The following GCSAML variants were observed in gnomAD, a reference collection of about 807,000 sequenced individuals.
GCSAML encodes germinal center-associated signaling and motility-like protein.
A neutral mutation model predicts 13.0 loss-of-function variants in GCSAML; 9 were observed. The ratio of observed to expected loss-of-function variants is 0.69; its 90% CI spans 0.42 to 1.21. The LOEUF (loss-of-function observed/expected upper bound fraction) is 1.21. Among genes scored for constraint, GCSAML ranks in the 50% most tolerant of loss-of-function variants. The pLI, the probability that GCSAML is intolerant of heterozygous loss-of-function variation, is 0.00. For missense variants in GCSAML, 143 were observed against 153.4 expected (o/e 0.93, Z 0.36); for synonymous variants, 37 against 52.9 (o/e 0.70, Z 1.31).
In GCSAML at chr1:247,543,576, A is replaced by C. The variant is rs554909291; in HGVS notation, c.-147-5469A>C. ...TGTATTATAGTAATTATCGTGGACA[A>C]AGCAGAAAGTCAAAAGAGCTGGTTC... On this transcript the variant is annotated intron_variant, in intron 2 of 5. Transcript: ENST00000366489. Among the ~76,000 whole-genome samples, 68 of 152,330 alleles carry C rather than the reference A, an allele frequency of 4.5e-4. 2 individuals carry two copies. In the South Asian group the frequency reaches 0.013, roughly 30 times the overall value.
At chr1:247,561,184 G>A (rs1476148310) in intron 2 of GCSAML, among the ~76,000 whole-genome samples, 1 of 151,980 alleles carries the variant, frequency 6.6e-6, no homozygotes, top group African/African-American at 2.4e-5. Context: ...AAACTTCTGG[G>A]CTCAAGTGAT....
chr1:247,572,265 TGGA>T (rs1464803313), intron 4 of GCSAML, among the ~76,000 whole-genome samples: 2 of 152,202 alleles, frequency 1.3e-5, no homozygotes, highest in Non-Finnish European at 2.9e-5. Context: ...TGTGATCTTT[TGGA>T]GGAGAAGAGG....
In GCSAML at chr1:247,574,156, G is replaced by A; in HGVS notation, c.182G>A (p.Gly61Asp). 1 of 1,613,966 alleles carries A rather than the reference G, an allele frequency of 6.2e-7. No homozygotes were observed. Among genetic ancestry groups the A allele is most frequent in the Non-Finnish European group, 8.5e-7 (1 of 1,179,962 alleles). Reference protein sequence around the residue: ...SSTSNQENENGSGSEEVCYTV... With the variant: ...SSTSNQENENDSGSEEVCYTV... ...TGTGCTTGGCAGGAAAACGAGAATG[G>A]CAGTGGTTCTGAAGAAGTGTGCTAC... Residue 61 changes from glycine (G) to aspartate (D), a missense_variant, in exon 5 of 5, where the codon GGC (glycine) becomes GAC (aspartate). Coordinates refer to ENST00000366488, the MANE Select transcript of GCSAML (RefSeq NM_145278.5).
At position 247,577,608 on chromosome 1, in the gene GCSAML, C is replaced by T. The variant is rs1190029423; in HGVS notation, c.*3226C>T. ...ATATACTATAATTTGTTAATCTAAT[C>T]ACTGATGGATATGTAGGATATTTAA... is the stretch of plus-strand genomic sequence containing the variant. On this transcript the variant is annotated 3_prime_UTR_variant, in exon 5 of 5. Transcript: ENST00000366488. 6.6e-6 allele frequency: 1 copy of T among 152,150 alleles called. No individual in the cohort carries two copies. The highest frequency in any genetic ancestry group is 2.4e-5 in the African/African-American group (1 of 41,438). 9.4% of individuals were successfully genotyped at this position (152,150 alleles called of 1,614,324 possible). A position where few individuals can be genotyped will look rare whatever the true frequency, so the allele number is the denominator to read the frequency against.
intron 1 of GCSAML, among the ~76,000 whole-genome samples, chr1:247,511,211 G>A (rs1357922125): frequency 6.6e-6 from 1 of 152,122 alleles, no homozygotes; most frequent in Non-Finnish European, 1.5e-5. Flanking sequence ...CCTATATTGG[G>A]TGCATATATA....
Position 247,543,829 on chromosome 1 carries a change from A to G in GCSAML, c.-147-5216A>G, listed in dbSNP as rs537904046. Reference sequence around the variant, plus strand: ...TTTAGAGACAGAGTCTCACTCTGTCACCCAGGCTGGAGTGCAGTGGCATGA... The same window carrying G: ...TTTAGAGACAGAGTCTCACTCTGTCGCCCAGGCTGGAGTGCAGTGGCATGA... On this transcript the variant is annotated intron_variant, in intron 2 of 5. Coordinates refer to the GCSAML transcript ENST00000366489. 2.2e-3 allele frequency among the ~76,000 whole-genome samples: 339 copies of G among 151,600 alleles called. 1 individual carries two copies. Among genetic ancestry groups the G allele is most frequent in the Non-Finnish European group, 4.3e-3 (290 of 67,572 alleles).
intron 2 of GCSAML, chr1:247,531,159 G>C: frequency 4.9e-6 from 1 of 203,944 alleles, no homozygotes; most frequent in Non-Finnish European, 1.0e-5. Context: ...GGAGGGCTCC[G>C]GGGGCTCTGG....
chr1:247,568,530 C>T (rs1178719648), intron 4 of GCSAML, among the ~76,000 whole-genome samples: 1 of 152,034 alleles, frequency 6.6e-6, no homozygotes, highest in African/African-American at 2.4e-5. Flanking sequence ...TTCCATTGGT[C>T]TATATATCTG....
intron 1 of GCSAML, among the ~76,000 whole-genome samples, chr1:247,521,386 CG>C (rs1666417807): frequency 2.6e-5 from 2 of 77,440 alleles, no homozygotes; most frequent in African/African-American, 7.5e-5. Flanking sequence ...TCCCTCTCCA[CG>C]GTCTCCCTCT....
chr1:247,547,390 T>G (rs1161072454), upstream of GCSAML, among the ~76,000 whole-genome samples: 1 of 152,184 alleles, frequency 6.6e-6, no homozygotes, highest in African/African-American at 2.4e-5. Context: ...GACCAATTTA[T>G]GCTAGGATGG....
chr1:247,536,816 A>G (rs949514553), intron 2 of GCSAML, among the ~76,000 whole-genome samples: 5 of 152,196 alleles, frequency 3.3e-5, no homozygotes, highest in African/African-American at 1.2e-4. Flanking sequence ...AGATAGTCTG[A>G]GACATTTGCT....
chr1:247,516,063 C>T (rs1359375592), intron 1 of GCSAML, among the ~76,000 whole-genome samples: 1 of 152,072 alleles, frequency 6.6e-6, no homozygotes, highest in African/African-American at 2.4e-5. Flanking sequence ...CAGAGGAAGG[C>T]AGGGTGGTAC....
upstream of GCSAML, among the ~76,000 whole-genome samples, chr1:247,545,809 C>T (rs115429648): frequency 0.013 from 2,018 of 152,238 alleles, 39 homozygotes; most frequent in African/African-American, 0.042. Flanking sequence ...ATTAAATATA[C>T]GGTTTGCAAA....
intron 2 of GCSAML, among the ~76,000 whole-genome samples, chr1:247,534,865 G>A (rs1474382463): frequency 6.6e-6 from 1 of 152,120 alleles, no homozygotes; most frequent in East Asian, 1.9e-4. Context: ...AAAACTCTAG[G>A]CATTTGTTAA....
upstream of GCSAML, among the ~76,000 whole-genome samples, chr1:247,546,389 C>T (rs185851412): frequency 1.6e-4 from 24 of 151,992 alleles, no homozygotes; most frequent in African/African-American, 3.9e-4. Context: ...AGACGAGTCT[C>T]GCTCTGTCAC....
chr1:247,514,050 G>A (rs1666132297), intron 1 of GCSAML, among the ~76,000 whole-genome samples: 1 of 151,828 alleles, frequency 6.6e-6, no homozygotes, highest in South Asian at 2.1e-4. Flanking sequence ...GTGTGATCTT[G>A]GCTCACTGCA....
At chr1:247,563,345 G>A (rs2103057098) in intron 2 of GCSAML, among the ~76,000 whole-genome samples, 1 of 152,198 alleles carries the variant, frequency 6.6e-6, no homozygotes, top group East Asian at 1.9e-4. Context: ...AATATATGTA[G>A]TCTGATAAGC....
chr1:247,559,376 TAGCAATTC>T (rs1668049574), intron 2 of GCSAML, among the ~76,000 whole-genome samples: 1 of 152,226 alleles, frequency 6.6e-6, no homozygotes, highest in African/African-American at 2.4e-5. Flanking sequence ...GTTTGGTGTG[TAGCAATTC>T]ATGACAGTAT....
Position 247,565,970 on chromosome 1 carries a change from A to G in GCSAML, c.168+11A>G. The G allele has an allele frequency of 6.5e-7, 1 of 1,537,442 alleles. No homozygotes were observed. Among genetic ancestry groups the G allele is most frequent in the Non-Finnish European group, 8.7e-7 (1 of 1,149,430 alleles). ...TCCACTTCTAATCAGGTAAGTAGAA[A>G]ACAAAAAGCAAGACAAAAGAAAAAC... On this transcript the variant is annotated intron_variant, in intron 4 of 4. Coordinates refer to ENST00000366488, the MANE Select transcript of GCSAML (RefSeq NM_145278.5).
Sources: gnomAD v4.1 joint callset for allele counts (sites outside exome capture counted in the v4.1 genomes callset) on GRCh38, gnomAD v4.1.1 for gene constraint, MANE v1.5 for transcripts, NCBI Gene and HGNC (gene_info 2026-07-23, HGNC 2026-07-21) for gene names.